The following UCK2 variants were observed in gnomAD, a reference collection of about 807,000 sequenced individuals.
The protein encoded by UCK2 is cytidine monophosphokinase 2.
A neutral mutation model predicts 30.8 loss-of-function variants in UCK2; 6 were observed. The observed-to-expected ratio is 0.19, with a 90% CI of 0.11 to 0.38. The LOEUF (loss-of-function observed/expected upper bound fraction) is 0.38. UCK2 is among the 10% of genes least tolerant of loss of function. UCK2 has a pLI of 1.00. For missense variants in UCK2, 210 were observed against 339.8 expected (o/e 0.62, Z 3.00); for synonymous variants, 125 against 133.6 (o/e 0.94, Z 0.45).
At chr1:165,884,273 C>T (rs1204101817) in intron 1 of UCK2, among the ~76,000 whole-genome samples, 1 of 152,226 alleles carries the variant, frequency 6.6e-6, no homozygotes, top group East Asian at 1.9e-4. Context: ...AGGAAATGAT[C>T]AATCAGTGTG....
chr1:165,862,338 G>A (rs1488168361), intron 1 of UCK2, among the ~76,000 whole-genome samples: 1 of 152,164 alleles, frequency 6.6e-6, no homozygotes, highest in Non-Finnish European at 1.5e-5. Flanking sequence ...GGACAGTGCT[G>A]CTTCCAGATC....
At chr1:165,896,542 T>C (rs1647265533) in intron 4 of UCK2, among the ~76,000 whole-genome samples, 1 of 152,240 alleles carries the variant, frequency 6.6e-6, no homozygotes, top group Non-Finnish European at 1.5e-5. Flanking sequence ...AAGGGATTAG[T>C]CACTTACTGT....
At chr1:165,864,423 A>T (rs532467046) in intron 1 of UCK2, among the ~76,000 whole-genome samples, 4 of 152,260 alleles carry the variant, frequency 2.6e-5, no homozygotes, top group Admixed American at 2.0e-4. Flanking sequence ...TTTTATAGGT[A>T]TCAGTATATT....
At chr1:165,851,314 C>T (rs754497483) in intron 1 of UCK2, among the ~76,000 whole-genome samples, 8 of 152,236 alleles carry the variant, frequency 5.3e-5, no homozygotes, top group Non-Finnish European at 1.2e-4. Flanking sequence ...CACAGATTCT[C>T]AGCCTCTTGC....
At chr1:165,891,346 G>T (rs758511892) in intron 3 of UCK2, 24 bp downstream of exon 3, 11 of 1,606,504 alleles carry the variant, frequency 6.8e-6, no homozygotes, top group Middle Eastern at 1.7e-4. Context: ...TCTGGGCCAG[G>T]GATGGCACCC....
intron 1 of UCK2, among the ~76,000 whole-genome samples, chr1:165,831,193 C>T (rs1214488445): frequency 6.6e-6 from 1 of 151,624 alleles, no homozygotes; most frequent in Non-Finnish European, 1.5e-5. Flanking sequence ...AGGAGGATGC[C>T]TTCAAAACCA....
At chr1:165,861,659 A>C (rs1381197811) in intron 1 of UCK2, among the ~76,000 whole-genome samples, 1 of 46,306 alleles carries the variant, frequency 2.2e-5, no homozygotes, top group African/African-American at 9.6e-5. Flanking sequence ...ACAAAAAAAA[A>C]CAACAGTAAA....
At chr1:165,881,587 T>G (rs1207952451) in intron 1 of UCK2, among the ~76,000 whole-genome samples, 2 of 152,214 alleles carry the variant, frequency 1.3e-5, no homozygotes, top group Non-Finnish European at 2.9e-5. Flanking sequence ...CAGTTTCTTC[T>G]TATGTAAAGT....
chr1:165,868,867 G>A (rs890874223), intron 1 of UCK2, among the ~76,000 whole-genome samples: 2 of 152,182 alleles, frequency 1.3e-5, no homozygotes, highest in African/African-American at 4.8e-5. Context: ...GGCATAAGAG[G>A]CCTAGCTTTT....
chr1:165,880,752 C>T (rs932462241), intron 1 of UCK2, among the ~76,000 whole-genome samples: 1 of 152,104 alleles, frequency 6.6e-6, no homozygotes, highest in African/African-American at 2.4e-5. Flanking sequence ...GGATACATTG[C>T]CCCTTGAATC....
intron 1 of UCK2, among the ~76,000 whole-genome samples, chr1:165,851,864 T>C (rs1654606293): frequency 6.6e-6 from 1 of 152,184 alleles, no homozygotes; most frequent in Non-Finnish European, 1.5e-5. Flanking sequence ...GTTCCTGTGT[T>C]AGTTTGCTGA....
At chr1:165,857,467 G>T (rs1054159194) in intron 1 of UCK2, among the ~76,000 whole-genome samples, 1 of 152,198 alleles carries the variant, frequency 6.6e-6, no homozygotes, top group Non-Finnish European at 1.5e-5. Context: ...GTACTGTGGG[G>T]ACACCCATGA....
At chr1:165,868,160 G>T (rs1034912795) in intron 1 of UCK2, among the ~76,000 whole-genome samples, 6 of 152,192 alleles carry the variant, frequency 3.9e-5, no homozygotes, top group African/African-American at 1.4e-4. Context: ...GGTCTCAACA[G>T]TGGGATTCAA....
intron 1 of UCK2, among the ~76,000 whole-genome samples, chr1:165,875,806 A>G (rs978030176): frequency 7.9e-5 from 12 of 152,006 alleles, no homozygotes; most frequent in African/African-American, 2.7e-4. Flanking sequence ...CTTGTGTGCC[A>G]CCCTCCAGGA....
intron 6 of UCK2, among the ~76,000 whole-genome samples, chr1:165,906,890 T>A (rs868617197): frequency 6.6e-6 from 1 of 152,376 alleles, no homozygotes; most frequent in South Asian, 2.1e-4. Context: ...AAAGGCATTC[T>A]TATTCATCAG....
intron 3 of UCK2, chr1:165,895,553 A>G: frequency 2.0e-6 from 2 of 985,550 alleles, no homozygotes; most frequent in Non-Finnish European, 2.4e-6. Flanking sequence ...TAGGGAGCTC[A>G]GGATTGACCT....
chr1:165,850,177 G>A (rs1217430082), intron 1 of UCK2, among the ~76,000 whole-genome samples: 1 of 151,890 alleles, frequency 6.6e-6, no homozygotes, highest in African/African-American at 2.4e-5. Context: ...TGTTACCCAG[G>A]CTGGAGTGCA....
At chr1:165,899,363 C>T (rs755889195) in intron 4 of UCK2, among the ~76,000 whole-genome samples, 2 of 152,176 alleles carry the variant, frequency 1.3e-5, no homozygotes, top group Non-Finnish European at 2.9e-5. Context: ...ATGGCTGACC[C>T]CTCATCTTCC....
chr1:165,866,735 G>C (rs1224980559), intron 1 of UCK2, among the ~76,000 whole-genome samples: 12 of 152,084 alleles, frequency 7.9e-5, no homozygotes, highest in Non-Finnish European at 1.3e-4. Flanking sequence ...GACTATTCTA[G>C]GTACTTTAGT....
Sources: allele counts gnomAD v4.1 joint callset (sites outside exome capture counted in the v4.1 genomes callset), GRCh38; gene constraint gnomAD v4.1.1; transcripts MANE v1.5; gene names NCBI Gene and HGNC (gene_info 2026-07-23, HGNC 2026-07-21).